Variants in CARF observed in about 807,000 individuals in gnomAD.
The protein encoded by CARF is calcium responsive transcription factor, also known as calcium-responsive transcription factor.
CARF carries 57 observed loss-of-function variants against 82.0 expected under a neutral mutation model. The ratio of observed to expected loss-of-function variants is 0.70; its 90% confidence interval spans 0.56 to 0.87. The LOEUF (loss-of-function observed/expected upper bound fraction) is 0.87, where lower values mean the gene tolerates loss of function less well. Ranked by LOEUF, CARF falls within the 40% of genes least tolerant of loss-of-function variation. The pLI is 0.00. For missense variants in CARF, 771 were observed against 855.8 expected, an observed-to-expected ratio of 0.90 and a Z score of 1.24; for synonymous variants, 268 against 290.1, an observed-to-expected ratio of 0.92 and a Z score of 0.77.
At position 202,955,687 on chromosome 2, in the gene CARF, C is replaced by A. The variant is rs1446598965; in HGVS notation, c.571C>A (p.Pro191Thr). 3.1e-6 allele frequency: 5 copies of A among 1,606,222 alleles called. No individual in the cohort carries two copies. Among genetic ancestry groups the A allele is most frequent in the Non-Finnish European group, 4.3e-6 (5 of 1,175,850 alleles). ...KKSVTGMLEEPLLGPLQPLSS... is the reference protein window; with the variant it reads ...KKSVTGMLEETLLGPLQPLSS... The stretch of plus-strand genomic sequence containing the variant: ...CTCCTATCCCAGAATGCTGGAAGAA[C>A]CCCTTCTGGGGCCTCTTCAGCCACT... Residue 191 changes from proline to threonine, a missense_variant, in exon 8 of 17, where the codon CCC becomes ACC. Pro to Thr is a conservative substitution (Grantham distance 38, BLOSUM62 -1). Coordinates refer to ENST00000438828, the MANE Select transcript of CARF (RefSeq NM_024744.17).
In CARF at chr2:202,918,373, T is replaced by A. The variant is rs545556052; in HGVS notation, c.-163+330T>A. 5.9e-5 allele frequency among the ~76,000 whole-genome samples: 9 copies of A among 151,964 alleles called. No homozygotes were observed. In the East Asian group the frequency reaches 1.7e-3, roughly 29 times the overall value. ...GTCTCTACTAAAATACAAAAAAAAT[T>A]AGCCGGGCATGGTGGCGGGCGCCTA... On this transcript the variant is annotated intron_variant, in intron 2 of 16. Coordinates refer to ENST00000438828, the MANE Select transcript of CARF (RefSeq NM_024744.17).
chr2:202,941,750 C>T, intron 3 of CARF, 110 bp from the exon 4 acceptor site: 1 of 507,054 alleles, frequency 2.0e-6, no homozygotes, highest in Admixed American at 3.4e-5. Flanking sequence ...ATTGATTTTA[C>T]CTAAATTATA....
intron 1 of CARF, among the ~76,000 whole-genome samples, chr2:202,917,080 G>A (rs1390007714): frequency 3.3e-5 from 5 of 150,826 alleles, no homozygotes; most frequent in East Asian, 1.9e-4. Context: ...GCGTAGTGGC[G>A]GGCGCCTGTA....
intron 1 of CARF, among the ~76,000 whole-genome samples, chr2:202,914,247 A>C (rs1291719604): frequency 6.6e-6 from 1 of 152,172 alleles, no homozygotes; most frequent in Admixed American, 6.6e-5. Flanking sequence ...TTTGGAAAAT[A>C]CATTTCTCTT....
At chr2:202,942,999 G>T (rs975639774) in intron 5 of CARF, 32 bp downstream of exon 5, 27 of 1,545,678 alleles carry the variant, frequency 1.7e-5, no homozygotes, top group Admixed American at 3.4e-5. Flanking sequence ...CCAGTTTTAT[G>T]CCGTTTAGCA....
intron 8 of CARF, among the ~76,000 whole-genome samples, chr2:202,958,895 C>T (rs1016558404): frequency 1.5e-5 from 2 of 131,988 alleles, no homozygotes; most frequent in African/African-American, 5.8e-5. Context: ...CAGAGGGAGA[C>T]TCCGTCTCAA....
chr2:202,932,163 C>T (rs1009557650), intron 3 of CARF, among the ~76,000 whole-genome samples: 4 of 152,094 alleles, frequency 2.6e-5, no homozygotes, highest in Admixed American at 6.6e-5. Flanking sequence ...GGGCAGATGA[C>T]GTTAAACCAT....
rs1422458361 is a variant in CARF at position 202,912,312 on chromosome 2, G to T, written c.-1120G>T. 6.6e-6 allele frequency: 1 copy of T among 152,236 alleles called. No individual in the cohort carries two copies. Among genetic ancestry groups the T allele is most frequent in the Non-Finnish European group, 1.5e-5 (1 of 68,062 alleles). The allele number at this position is 152,236 out of a possible 1,614,324, so 9.4% of individuals were successfully genotyped here. A position where few individuals can be genotyped will look rare whatever the true frequency, so the allele number is the denominator to read the frequency against. On this transcript the variant is annotated 5_prime_UTR_variant, in exon 1 of 17. Transcript: ENST00000438828. ...TGCTGGTCTCCATGGCGGGGCCTCGGAGCCAAGACGAGGTTGAGTAGACTC... is the reference window on the plus strand; with the variant it reads ...TGCTGGTCTCCATGGCGGGGCCTCGTAGCCAAGACGAGGTTGAGTAGACTC...
intron 3 of CARF, among the ~76,000 whole-genome samples, chr2:202,934,072 C>A (rs553541990): frequency 1.7e-3 from 253 of 152,082 alleles, no homozygotes; most frequent in African/African-American, 6.0e-3. Context: ...AAAAAAAAAT[C>A]TCATAATGTT....
chr2:202,931,423 C>T (rs528150390), intron 3 of CARF, among the ~76,000 whole-genome samples: 1 of 152,316 alleles, frequency 6.6e-6, no homozygotes, highest in East Asian at 1.9e-4. Context: ...AGCCTTTGGG[C>T]AGTCAAAAGT....
chr2:202,960,577 G>A (rs1244048844), intron 8 of CARF, among the ~76,000 whole-genome samples: 1 of 152,134 alleles, frequency 6.6e-6, no homozygotes, highest in Non-Finnish European at 1.5e-5. Flanking sequence ...TAAAAAGAAT[G>A]TTGATATAAT....
At chr2:202,935,214 C>T (rs1693721244) in intron 3 of CARF, among the ~76,000 whole-genome samples, 1 of 135,068 alleles carries the variant, frequency 7.4e-6, no homozygotes, top group African/African-American at 2.8e-5. Flanking sequence ...ATAATATATT[C>T]ATTTACTATA....
At chr2:202,960,650 T>G (rs1230529905) in intron 8 of CARF, among the ~76,000 whole-genome samples, 1 of 152,192 alleles carries the variant, frequency 6.6e-6, no homozygotes, top group Non-Finnish European at 1.5e-5. Flanking sequence ...TTCTAACAGA[T>G]GCATGGCATC....
At position 202,944,555 on chromosome 2, in the gene CARF, A is replaced by G. The variant is rs141097118; in HGVS notation, c.306+1588A>G. 9.6e-3 allele frequency among the ~76,000 whole-genome samples: 1,469 copies of G among 152,310 alleles called. 30 individuals are homozygous for G. Among genetic ancestry groups the G allele is most frequent in the African/African-American group, 0.034 (1,411 of 41,564 alleles). On this transcript the variant is annotated intron_variant, in intron 5 of 16. Transcript: ENST00000438828. ...ATTGAGTTTTCTAAATTCTAGGGTT[A>G]ACAGTAATTGGTTGAGAGGTGACTG...
chr2:202,947,187 TG>T (rs540362141), intron 5 of CARF, among the ~76,000 whole-genome samples: 19 of 152,296 alleles, frequency 1.2e-4, no homozygotes, highest in African/African-American at 4.3e-4. Context: ...GTATGTTTAT[TG>T]AAGCACTGTT....
chr2:202,980,616 G>GTATATATATATATATATA (rs34656288), intron 14 of CARF, among the ~76,000 whole-genome samples: 5 of 42,654 alleles, frequency 1.2e-4, no homozygotes, highest in African/African-American at 3.3e-4. Flanking sequence ...CGTCTTTCAA[G>GTATATATATATATATATA]TATATATATA....
chr2:202,983,424 T>A, intron 16 of CARF, 82 bp from the exon 17 acceptor site: 4 of 880,014 alleles, frequency 4.5e-6, no homozygotes, highest in Non-Finnish European at 7.0e-6. Context: ...GAAGTTATTT[T>A]TAGAATATAA....
At chr2:202,932,878 TA>T (rs1693201448) in intron 3 of CARF, among the ~76,000 whole-genome samples, 2 of 152,038 alleles carry the variant, frequency 1.3e-5, no homozygotes, top group South Asian at 4.1e-4. Context: ...TGTGTTTCCC[TA>T]GGACACAGGA....
intron 3 of CARF, among the ~76,000 whole-genome samples, chr2:202,935,137 A>AATTATT (rs1559204336): frequency 4.2e-5 from 4 of 94,164 alleles, no homozygotes; most frequent in African/African-American, 1.1e-4. Flanking sequence ...TAATTATATA[A>AATTATT]TATAATTATA....
Sources: allele counts gnomAD v4.1 joint callset (sites outside exome capture counted in the v4.1 genomes callset), GRCh38; gene constraint gnomAD v4.1.1; transcripts MANE v1.5; gene names NCBI Gene and HGNC (gene_info 2026-07-23, HGNC 2026-07-21).